NCKAP5: variants seen among roughly 807,000 people sequenced by gnomAD.
The protein encoded by NCKAP5 is NCK associated protein 5, also known as nck-associated protein 5.
A neutral mutation model predicts 167.0 loss-of-function variants in NCKAP5; 92 were observed. The observed-to-expected ratio is 0.55, with a 90% CI of 0.47 to 0.66. The LOEUF (loss-of-function observed/expected upper bound fraction) is 0.66, where lower values mean the gene tolerates loss of function less well. Ranked by LOEUF, NCKAP5 falls within the 30% of genes least tolerant of loss-of-function variation. The pLI, the probability that NCKAP5 is intolerant of heterozygous loss-of-function variation, is 0.00. For missense variants in NCKAP5, 2,378 were observed against 2,315.0 expected, an observed-to-expected ratio of 1.03 and a Z score of -0.56; for synonymous variants, 891 against 877.4, an observed-to-expected ratio of 1.02 and a Z score of -0.27.
At chr2:133,211,697 T>C (rs2086217859) in intron 5 of NCKAP5, among the ~76,000 whole-genome samples, 1 of 152,220 alleles carries the variant, frequency 6.6e-6, no homozygotes. Flanking sequence ...GGGCACATAA[T>C]AAATGGTTTT....
At chr2:132,944,920 A>C (rs747338905) in intron 8 of NCKAP5, among the ~76,000 whole-genome samples, 1 of 152,184 alleles carries the variant, frequency 6.6e-6, no homozygotes. Flanking sequence ...TTACCCAGGC[A>C]GCAGAGATGG....
chr2:133,097,668 A>C (rs1386647052), intron 6 of NCKAP5, among the ~76,000 whole-genome samples: 1 of 152,192 alleles, frequency 6.6e-6, no homozygotes, highest in African/African-American at 2.4e-5. Flanking sequence ...AAGGAGGCTA[A>C]AGACACAAAG....
chr2:133,586,604 T>G, the NCKAP5 span, among the ~76,000 whole-genome samples: 126 of 152,266 alleles, frequency 8.3e-4, no homozygotes, highest in African/African-American at 2.9e-3. Flanking sequence ...TGAAGCACTG[T>G]GTGGAGGATG....
chr2:133,616,672 C>A, the NCKAP5 span, among the ~76,000 whole-genome samples: 1 of 151,890 alleles, frequency 6.6e-6, no homozygotes, highest in African/African-American at 2.4e-5. Context: ...AGCTTACCAA[C>A]CAAAAAGAGT....
At chr2:132,794,259 T>TAG (rs1319882518) in intron 12 of NCKAP5, among the ~76,000 whole-genome samples, 27 of 31,702 alleles carry the variant, frequency 8.5e-4, no homozygotes, top group Non-Finnish European at 1.2e-3. Flanking sequence ...TATATATATA[T>TAG]ATATAGAGAG....
At chr2:133,383,407 T>G (rs1208379231) in intron 3 of NCKAP5, among the ~76,000 whole-genome samples, 1 of 152,238 alleles carries the variant, frequency 6.6e-6, no homozygotes, top group Non-Finnish European at 1.5e-5. Flanking sequence ...ATCCTTTTTA[T>G]GACTGCATAG....
Position 133,454,008 on chromosome 2 carries a change from G to A in NCKAP5, c.69+63450C>T, listed in dbSNP as rs111271982. The stretch of plus-strand genomic sequence containing the variant: ...TAATAATTATCTGAAAAACAGTAAT[G>A]GTTTTCTGTTAGGTTGCTTTTATGT... On this transcript the variant is annotated intron_variant, in intron 3 of 19. Transcript: ENST00000409261. 6.8e-3 allele frequency among the ~76,000 whole-genome samples: 1,034 copies of A among 152,040 alleles called. 9 individuals are homozygous for A. The highest frequency in any genetic ancestry group is 0.023 in the African/African-American group (975 of 41,508).
chr2:132,992,258 G>T (rs541531994), intron 7 of NCKAP5, among the ~76,000 whole-genome samples: 3 of 152,264 alleles, frequency 2.0e-5, no homozygotes, highest in Admixed American at 6.5e-5. Flanking sequence ...GAATAGACTG[G>T]GTTATGGAGA....
At chr2:132,952,866 C>A (rs36003100) in intron 8 of NCKAP5, among the ~76,000 whole-genome samples, 1 of 152,092 alleles carries the variant, frequency 6.6e-6, no homozygotes, top group Non-Finnish European at 1.5e-5. Flanking sequence ...TGGTTTGCAG[C>A]GCCACTTGGC....
At chr2:133,460,978 G>C (rs905790501) in intron 3 of NCKAP5, among the ~76,000 whole-genome samples, 11 of 152,266 alleles carry the variant, frequency 7.2e-5, no homozygotes, top group African/African-American at 2.6e-4. Flanking sequence ...CTATTAAAAT[G>C]ATTTTTCTAA....
chr2:133,304,996 T>C (rs150456147), intron 3 of NCKAP5, among the ~76,000 whole-genome samples: 1 of 152,132 alleles, frequency 6.6e-6, no homozygotes, highest in African/African-American at 2.4e-5. Context: ...AAGGAAACCA[T>C]ATAGAGAAAA....
chr2:132,920,765 A>ATGTGTG (rs1221326985), intron 8 of NCKAP5, among the ~76,000 whole-genome samples: 5 of 53,218 alleles, frequency 9.4e-5, no homozygotes, highest in Non-Finnish European at 1.5e-4. Context: ...ATGTATATAT[A>ATGTGTG]TGTATGTATA....
chr2:133,257,005 A>C (rs1422605628), intron 4 of NCKAP5, among the ~76,000 whole-genome samples: 2 of 152,218 alleles, frequency 1.3e-5, no homozygotes, highest in African/African-American at 2.4e-5. Context: ...ACTACTCAAA[A>C]GAAAAGTGCG....
intron 5 of NCKAP5, among the ~76,000 whole-genome samples, chr2:133,187,535 T>C (rs1454535724): frequency 6.6e-6 from 1 of 152,032 alleles, no homozygotes; most frequent in Non-Finnish European, 1.5e-5. Context: ...AAGTATACAA[T>C]AAATATTTAG....
chr2:132,783,179 G>T lies in NCKAP5; in HGVS notation c.3632C>A (p.Pro1211Gln). Residue 1211 changes from proline to glutamine, a missense_variant, in exon 14 of 20, where the codon CCG (proline) becomes CAG (glutamine). Coordinates refer to ENST00000409261, the MANE Select transcript of NCKAP5 (RefSeq NM_207363.3). ...TAAACTGCCCTGTGCTTGTGAATCCGGTAGGGTCACATTTCTTTCACCCGC... is the reference window on the plus strand; with the variant it reads ...TAAACTGCCCTGTGCTTGTGAATCCTGTAGGGTCACATTTCTTTCACCCGC... ...ITAGERNVTL[P>Q]DSQAQGSLAD... The T allele has an allele frequency of 6.2e-7, 1 of 1,613,812 alleles. No homozygotes were observed. The highest frequency in any genetic ancestry group is 8.5e-7 in the Non-Finnish European group (1 of 1,179,838).
At chr2:133,440,836 C>T (rs1339183083) in intron 3 of NCKAP5, among the ~76,000 whole-genome samples, 1 of 151,858 alleles carries the variant, frequency 6.6e-6, no homozygotes, top group African/African-American at 2.4e-5. Flanking sequence ...CTAAGCCTTC[C>T]AGTTGCAAGG....
intron 16 of NCKAP5, among the ~76,000 whole-genome samples, chr2:132,771,715 C>T (rs1459704214): frequency 6.6e-6 from 1 of 151,804 alleles, no homozygotes; most frequent in Non-Finnish European, 1.5e-5. Context: ...CTCTGTCACC[C>T]AGGCTAGAGT....
the NCKAP5 span, among the ~76,000 whole-genome samples, chr2:133,627,881 G>A: frequency 3.3e-5 from 5 of 152,248 alleles, no homozygotes; most frequent in South Asian, 2.1e-4. Context: ...CCATCAGAAG[G>A]TGGAGTCTGC....
chr2:133,571,382 G>A (rs998182401), upstream of NCKAP5, among the ~76,000 whole-genome samples: 3 of 151,832 alleles, frequency 2.0e-5, no homozygotes, highest in Non-Finnish European at 4.4e-5. Flanking sequence ...GGAGGGAAAG[G>A]CCATCCTCAC....
Sources: gnomAD v4.1 joint callset for allele counts (sites outside exome capture counted in the v4.1 genomes callset) on GRCh38, gnomAD v4.1.1 for gene constraint, MANE v1.5 for transcripts, NCBI Gene and HGNC (gene_info 2026-07-23, HGNC 2026-07-21) for gene names.